Variants in ERN1 observed in about 807,000 individuals in gnomAD.
ERN1 encodes the protein serine/threonine-protein kinase/endoribonuclease IRE1.
In ERN1, 39 loss-of-function variants were observed where a neutral mutation model predicts 113.1. The ratio of observed to expected loss-of-function variants is 0.34; its 90% CI spans 0.27 to 0.45. The LOEUF (loss-of-function observed/expected upper bound fraction) is 0.45. ERN1 is among the 20% of genes least tolerant of loss of function. ERN1 has a pLI of 1.00. For synonymous variants in ERN1, 507 were observed against 515.9 expected (o/e 0.98, Z 0.23); for missense variants, 976 against 1,274.8 (o/e 0.77, Z 3.57).
At chr17:64,080,609 T>C in intron 3 of ERN1, 166 bp downstream of exon 3, 1 of 598,408 alleles carries the variant, frequency 1.7e-6, no homozygotes, top group East Asian at 3.0e-5. Flanking sequence ...GACCACCTCC[T>C]CCTCAACACA....
rs776761112 is a variant in ERN1 at position 64,042,172 on chromosome 17, C to A, written c.*1816G>T. On this transcript the variant is annotated 3_prime_UTR_variant, in exon 22 of 22. Coordinates refer to ENST00000433197, the MANE Select transcript of ERN1 (RefSeq NM_001433.5). ...GCTCTGTCTCAGGCCACCTGGCATG[C>A]GGCATGGGAGCAGCAGGAAATGCGG... The A allele has an allele frequency of 6.6e-6, 1 of 152,436 alleles. No homozygotes were observed. The highest frequency in any genetic ancestry group is 2.4e-5 in the African/African-American group (1 of 41,582). 9.4% of individuals were successfully genotyped at this position (152,436 alleles called of 1,614,324 possible). A position where few individuals can be genotyped will look rare whatever the true frequency, so the allele number is the denominator to read the frequency against.
At chr17:64,084,912 G>C (rs1913877293) in intron 2 of ERN1, among the ~76,000 whole-genome samples, 2 of 152,162 alleles carry the variant, frequency 1.3e-5, no homozygotes, top group South Asian at 2.1e-4. Flanking sequence ...ATCAACTGTT[G>C]CCACCTCAGA....
At chr17:64,075,955 C>A (rs147858381) in intron 4 of ERN1, among the ~76,000 whole-genome samples, 172 of 152,180 alleles carry the variant, frequency 1.1e-3, no homozygotes, top group African/African-American at 2.7e-3. Context: ...ATTACAGGGG[C>A]AACACAAGAG....
intron 1 of ERN1, 55 bp downstream of exon 1, chr17:64,129,921 G>A (rs1915191296): frequency 1.5e-6 from 2 of 1,364,196 alleles, no homozygotes; most frequent in Non-Finnish European, 9.4e-7. Context: ...CGCTGCCCCG[G>A]CCCCGACCCG....
intron 2 of ERN1, among the ~76,000 whole-genome samples, chr17:64,088,237 C>A (rs1387940812): frequency 6.6e-6 from 1 of 152,130 alleles, no homozygotes. Context: ...CTCTAGATGA[C>A]CTCTGGCTTT....
At chr17:64,091,115 G>T (rs1914075685) in intron 2 of ERN1, among the ~76,000 whole-genome samples, 2 of 152,164 alleles carry the variant, frequency 1.3e-5, no homozygotes, top group South Asian at 4.1e-4. Flanking sequence ...GAGAAAACAG[G>T]TTAGATCTAT....
At position 64,068,116 on chromosome 17, in the gene ERN1, T is replaced by A. The variant is rs34870915; in HGVS notation, c.580+74A>T. 7.3e-5 allele frequency: 76 copies of A among 1,042,126 alleles called. No homozygotes were observed. The East Asian group carries it at 1.5e-3, about 21-fold the overall frequency. The allele number at this position is 1,042,126 out of a possible 1,614,324, so 64.6% of individuals were successfully genotyped here. On this transcript the variant is annotated intron_variant, in intron 7 of 21. Transcript: ENST00000433197. Reference sequence around the variant, plus strand: ...AGAGTATCTTAAAAGAAAATCCTACTTTCTGGAGCCACTGTTTCCACATAG... The same window carrying A: ...AGAGTATCTTAAAAGAAAATCCTACATTCTGGAGCCACTGTTTCCACATAG...
chr17:64,092,560 T>C (rs1454132829), intron 2 of ERN1, among the ~76,000 whole-genome samples: 1 of 152,232 alleles, frequency 6.6e-6, no homozygotes, highest in South Asian at 2.1e-4. Flanking sequence ...CCCAGCTGGC[T>C]AGGAGAGTAG....
Position 64,049,350 on chromosome 17 carries a change from C to T in ERN1, c.2254-148G>A, listed in dbSNP as rs969386123. ...GACATATGTGAGCTGCACAGAGCAG[C>T]GAGGGCTAACCTGCAGCACTGCATG... On this transcript the variant is annotated intron_variant, in intron 17 of 21. Coordinates refer to ENST00000433197, the MANE Select transcript of ERN1 (RefSeq NM_001433.5). This position sits in a 1 kb window ranked among gnomAD's most constrained non-coding sequence, Gnocchi z 4.7. 1.2e-6 allele frequency: 1 copy of T among 802,398 alleles called. No individual in the cohort carries two copies. Among genetic ancestry groups the T allele is most frequent in the Non-Finnish European group, 1.8e-6 (1 of 554,644 alleles). The allele number at this position is 802,398 out of a possible 1,614,324, so 49.7% of individuals were successfully genotyped here.
At chr17:64,060,337 G>T (rs1913012989) in intron 11 of ERN1, 132 bp downstream of exon 11, 22 of 649,218 alleles carry the variant, frequency 3.4e-5, no homozygotes, top group African/African-American at 1.5e-4. Flanking sequence ...TATGTTTTTT[G>T]CTTTGGATTC....
At chr17:64,046,825 T>C (rs1158839951) in intron 19 of ERN1, among the ~76,000 whole-genome samples, 3 of 152,230 alleles carry the variant, frequency 2.0e-5, no homozygotes, top group Admixed American at 6.5e-5. Context: ...ACAAGCCTGC[T>C]TTCAGAGCCA....
At chr17:64,099,190 C>T (rs1405495510) in intron 1 of ERN1, among the ~76,000 whole-genome samples, 2 of 151,776 alleles carry the variant, frequency 1.3e-5, no homozygotes, top group African/African-American at 2.4e-5. Context: ...GAAAAATCTA[C>T]AATATAGAAA....
intron 9 of ERN1, among the ~76,000 whole-genome samples, chr17:64,064,635 T>C (rs893184532): frequency 6.6e-6 from 1 of 152,112 alleles, no homozygotes; most frequent in Non-Finnish European, 1.5e-5. Context: ...CCAAGCATTG[T>C]AGGGATCAGG....
intron 2 of ERN1, among the ~76,000 whole-genome samples, chr17:64,094,299 C>G (rs1914168205): frequency 6.6e-6 from 1 of 152,214 alleles, no homozygotes; most frequent in Admixed American, 6.5e-5. Context: ...TCTGCATCAA[C>G]AGGCACAGCA....
At chr17:64,123,691 C>T (rs1915007835) in intron 1 of ERN1, among the ~76,000 whole-genome samples, 1 of 151,964 alleles carries the variant, frequency 6.6e-6, no homozygotes, top group Non-Finnish European at 1.5e-5. Flanking sequence ...AATAACTAAG[C>T]ACTTAAAACT....
At chr17:64,081,972 C>T (rs1362127610) in intron 2 of ERN1, among the ~76,000 whole-genome samples, 1 of 152,164 alleles carries the variant, frequency 6.6e-6, no homozygotes, top group Admixed American at 6.5e-5. Flanking sequence ...ACCCCACAGC[C>T]ATGCTATACA....
intron 1 of ERN1, among the ~76,000 whole-genome samples, chr17:64,122,440 T>G (rs559342615): frequency 1.3e-5 from 2 of 152,308 alleles, no homozygotes; most frequent in East Asian, 3.9e-4. Context: ...CGAGAGCCCA[T>G]CAAGCAGTCT....
intron 2 of ERN1, among the ~76,000 whole-genome samples, chr17:64,082,827 T>C (rs972937229): frequency 2.0e-5 from 3 of 148,718 alleles, no homozygotes; most frequent in African/African-American, 7.8e-5. Flanking sequence ...CCGGGACAAC[T>C]ACATTGGTGT....
intron 1 of ERN1, among the ~76,000 whole-genome samples, chr17:64,099,376 G>A (rs974132254): frequency 1.2e-4 from 18 of 151,790 alleles, no homozygotes; most frequent in Non-Finnish European, 2.4e-4. Flanking sequence ...ATGTACACAC[G>A]GACGCATATG....
Sources: allele counts gnomAD v4.1 joint callset (sites outside exome capture counted in the v4.1 genomes callset), GRCh38; gene constraint gnomAD v4.1.1; non-coding constraint Gnocchi (gnomAD v3.1); transcripts MANE v1.5; gene names NCBI Gene and HGNC (gene_info 2026-07-23, HGNC 2026-07-21).